Variants in CSMD1 observed in about 807,000 individuals in gnomAD.
CSMD1 encodes the protein CUB and sushi domain-containing protein 1.
CSMD1 carries 213 observed loss-of-function variants against 417.5 expected under a neutral mutation model. The ratio of observed to expected loss-of-function variants is 0.51; its 90% confidence interval spans 0.46 to 0.57. The LOEUF is 0.57. Among genes scored for constraint, CSMD1 ranks in the 20% least tolerant of loss-of-function variants. The pLI is 0.00. For missense variants in CSMD1, 6,923 were observed against 4,529.7 expected, an observed-to-expected ratio of 1.53 and a Z score of -15.17; for synonymous variants, 2,862 against 1,736.8, an observed-to-expected ratio of 1.65 and a Z score of -16.11.
chr8:4,864,428 C>A (rs1321591436), intron 1 of CSMD1, among the ~76,000 whole-genome samples: 1 of 151,742 alleles, frequency 6.6e-6, no homozygotes, highest in African/African-American at 2.4e-5. Flanking sequence ...TTACTATATC[C>A]ACAAATTTGC....
chr8:3,440,511 C>T (rs1814905509), intron 12 of CSMD1, among the ~76,000 whole-genome samples: 1 of 152,170 alleles, frequency 6.6e-6, no homozygotes, highest in Admixed American at 6.6e-5. Flanking sequence ...CCTGTGAAGT[C>T]ACCAAACTGG....
Position 3,782,946 on chromosome 8 carries a change from C to T in CSMD1, c.819-28904G>A, listed in dbSNP as rs1799259378. Among the ~76,000 whole-genome samples, 6 of 152,172 alleles carry T rather than the reference C, an allele frequency of 3.9e-5. No individual in the cohort carries two copies. The South Asian group carries it at 1.2e-3, about 32-fold the overall frequency. On this transcript the variant is annotated intron_variant, in intron 5 of 69. Coordinates refer to ENST00000635120, the MANE Select transcript of CSMD1 (RefSeq NM_033225.6). Reference sequence around the variant, plus strand: ...TAAAAATACATGGCAAGAGATCTAGCCTCTAAACCAAATTGTAGGTACAGG... The same window carrying T: ...TAAAAATACATGGCAAGAGATCTAGTCTCTAAACCAAATTGTAGGTACAGG...
chr8:3,741,749 G>C (rs1018382715), intron 6 of CSMD1, among the ~76,000 whole-genome samples: 1 of 152,134 alleles, frequency 6.6e-6, no homozygotes, highest in Non-Finnish European at 1.5e-5. Context: ...AAAATACCCA[G>C]TGGTGGTTGA....
chr8:3,499,504 G>T (rs1010341033), intron 10 of CSMD1, among the ~76,000 whole-genome samples: 1 of 152,224 alleles, frequency 6.6e-6, no homozygotes, highest in Admixed American at 6.5e-5. Flanking sequence ...CTTGGAGTGG[G>T]GGGAGTGTTC....
chr8:4,637,711 C>T (rs972296941), intron 1 of CSMD1, among the ~76,000 whole-genome samples, 153 bp from the exon 2 acceptor site: 5 of 129,342 alleles, frequency 3.9e-5, no homozygotes, highest in African/African-American at 1.1e-4. Flanking sequence ...TCGCCCAGGC[C>T]GGACTGCGGA....
chr8:4,910,278 T>C (rs1805573931), intron 1 of CSMD1, among the ~76,000 whole-genome samples: 1 of 152,226 alleles, frequency 6.6e-6, no homozygotes, highest in Non-Finnish European at 1.5e-5. Flanking sequence ...CAGTGAACAG[T>C]CAACGCATAT....
chr8:4,646,336 G>C (rs1209861280), intron 1 of CSMD1, among the ~76,000 whole-genome samples: 1 of 152,160 alleles, frequency 6.6e-6, no homozygotes, highest in Non-Finnish European at 1.5e-5. Flanking sequence ...GTAGGATTGA[G>C]TTGTTCCCTA....
chr8:4,147,487 C>A (rs766901375), intron 3 of CSMD1, among the ~76,000 whole-genome samples: 1 of 152,162 alleles, frequency 6.6e-6, no homozygotes, highest in Non-Finnish European at 1.5e-5. Context: ...TGCCTTTGTG[C>A]TCCCACCACA....
chr8:4,958,750 T>C (rs1051962179), intron 1 of CSMD1, among the ~76,000 whole-genome samples: 2 of 151,258 alleles, frequency 1.3e-5, no homozygotes, highest in East Asian at 3.8e-4. Context: ...AAGTCATCAG[T>C]AATTTCCCCC....
chr8:4,480,070 G>C (rs574835709), intron 2 of CSMD1, among the ~76,000 whole-genome samples: 4 of 151,940 alleles, frequency 2.6e-5, no homozygotes, highest in South Asian at 2.1e-4. Flanking sequence ...AGTTCTGTTA[G>C]AGAAGTTTGA....
intron 3 of CSMD1, among the ~76,000 whole-genome samples, chr8:4,394,156 T>G (rs1223365724): frequency 6.6e-6 from 1 of 152,220 alleles, no homozygotes; most frequent in Non-Finnish European, 1.5e-5. Flanking sequence ...CTTATTCATT[T>G]GAACTATCAT....
intron 6 of CSMD1, among the ~76,000 whole-genome samples, chr8:3,723,121 T>G (rs934982331): frequency 6.6e-6 from 1 of 152,126 alleles, no homozygotes; most frequent in Non-Finnish European, 1.5e-5. Context: ...ATTGGTGAAG[T>G]CCAATTCGGT....
At chr8:3,792,326 A>T (rs1344495584) in intron 5 of CSMD1, among the ~76,000 whole-genome samples, 1 of 152,104 alleles carries the variant, frequency 6.6e-6, no homozygotes, top group South Asian at 2.1e-4. Flanking sequence ...CTGGGAGATA[A>T]TAATAATAAA....
intron 1 of CSMD1, among the ~76,000 whole-genome samples, chr8:4,825,283 C>G (rs959692406): frequency 2.6e-5 from 4 of 152,076 alleles, no homozygotes; most frequent in African/African-American, 9.7e-5. Context: ...TCACCCCACT[C>G]AAGGATATAA....
At chr8:3,635,135 G>A (rs907706745) in intron 7 of CSMD1, among the ~76,000 whole-genome samples, 10 of 152,112 alleles carry the variant, frequency 6.6e-5, no homozygotes, top group Non-Finnish European at 1.5e-4. Flanking sequence ...CTCAGTAAGT[G>A]GACGGTGAGT....
chr8:3,094,800 C>CAAAAAAAAAAAAAAAAAA (rs33991879), intron 47 of CSMD1, among the ~76,000 whole-genome samples: 1 of 105,406 alleles, frequency 9.5e-6, no homozygotes, highest in Non-Finnish European at 1.9e-5. Flanking sequence ...GCCCGTCTTA[C>CAAAAAAAAAAAAAAAAAA]AAAAAAAAAA....
At chr8:3,734,355 A>G (rs1007392929) in intron 6 of CSMD1, among the ~76,000 whole-genome samples, 12 of 152,214 alleles carry the variant, frequency 7.9e-5, no homozygotes, top group African/African-American at 2.9e-4. Flanking sequence ...GCTGTTCGAC[A>G]GCATCGTAGA....
intron 20 of CSMD1, among the ~76,000 whole-genome samples, chr8:3,361,292 G>C (rs954972524): frequency 6.6e-6 from 1 of 151,938 alleles, no homozygotes; most frequent in African/African-American, 2.4e-5. Context: ...GATATACTGT[G>C]TGCACTCAAT....
chr8:4,717,227 A>G (rs989514881), intron 1 of CSMD1, among the ~76,000 whole-genome samples: 15 of 151,522 alleles, frequency 9.9e-5, no homozygotes, highest in African/African-American at 3.4e-4. Flanking sequence ...CCAAATACAT[A>G]ACATAGCTAC....
Sources: gnomAD v4.1 joint callset for allele counts (sites outside exome capture counted in the v4.1 genomes callset) on GRCh38, gnomAD v4.1.1 for gene constraint, MANE v1.5 for transcripts, NCBI Gene and HGNC (gene_info 2026-07-23, HGNC 2026-07-21) for gene names.